TRAPPC8: variants seen among roughly 807,000 people sequenced by gnomAD.
The protein encoded by TRAPPC8 is general sporulation gene 1 homolog.
Under a neutral mutation model 174.3 loss-of-function variants are expected in TRAPPC8, and 54 were observed. The observed-to-expected ratio is 0.31, with a 90% CI of 0.25 to 0.39. TRAPPC8 has a LOEUF of 0.39. Ranked by LOEUF, TRAPPC8 falls within the 10% of genes least tolerant of loss-of-function variation. TRAPPC8 has a pLI of 1.00. For missense variants in TRAPPC8, 1,531 were observed against 1,699.1 expected, an observed-to-expected ratio of 0.90 and a Z score of 1.74; for synonymous variants, 630 against 579.9, an observed-to-expected ratio of 1.09 and a Z score of -1.24.
chr18:31,939,043 C>T (rs577491818), intron 1 of TRAPPC8, among the ~76,000 whole-genome samples: 5 of 140,588 alleles, frequency 3.6e-5, no homozygotes, highest in Admixed American at 1.6e-4. Context: ...TCTATCTCGC[C>T]GCTGCACTCC....
At chr18:31,911,871 CAAA>C (rs35950290) in intron 5 of TRAPPC8, among the ~76,000 whole-genome samples, 9 of 93,710 alleles carry the variant, frequency 9.6e-5, no homozygotes, top group Admixed American at 2.5e-4. Context: ...GATCCTGTCT[CAAA>C]AAAAAAAAAA....
intron 19 of TRAPPC8, among the ~76,000 whole-genome samples, chr18:31,861,299 T>C (rs2034308682): frequency 6.6e-6 from 1 of 152,120 alleles, no homozygotes; most frequent in South Asian, 2.1e-4. Flanking sequence ...AATACCCTCT[T>C]CAAGAACTGC....
chr18:31,921,193 A>C (rs1400004589), intron 2 of TRAPPC8, among the ~76,000 whole-genome samples: 1 of 152,158 alleles, frequency 6.6e-6, no homozygotes, highest in African/African-American at 2.4e-5. Flanking sequence ...GAAGAGCCAT[A>C]CCTATATTTG....
In TRAPPC8 at chr18:31,873,604, G is replaced by A. The variant is rs550040479; in HGVS notation, c.1954-66C>T. 1,380 of 1,114,644 alleles carry A rather than the reference G, an allele frequency of 1.2e-3. 34 individuals are homozygous for A. In the South Asian group the frequency reaches 0.015, roughly 12 times the overall value. The allele number at this position is 1,114,644 out of a possible 1,614,324, so 69.0% of individuals were successfully genotyped here. A position where few individuals can be genotyped will look rare whatever the true frequency, so the allele number is the denominator to read the frequency against. On this transcript the variant is annotated intron_variant, in intron 13 of 28. Transcript: ENST00000283351. ...AAATGGTATTTTTATTTGTTTCCTC[G>A]TTTCTTAATACACAAGGCATTAAAA...
At chr18:31,918,129 A>G (rs1445352338) in intron 2 of TRAPPC8, among the ~76,000 whole-genome samples, 1 of 151,862 alleles carries the variant, frequency 6.6e-6, no homozygotes, top group Non-Finnish European at 1.5e-5. Context: ...CCGTCTCAAA[A>G]TAATAATAAT....
chr18:31,913,674 C>A, intron 4 of TRAPPC8, 152 bp from the exon 5 acceptor site: 1 of 646,706 alleles, frequency 1.5e-6, no homozygotes, highest in South Asian at 2.9e-5. Flanking sequence ...TAAGAATTAT[C>A]CTTCTAGAAA....
intron 14 of TRAPPC8, among the ~76,000 whole-genome samples, chr18:31,873,070 T>A (rs1484529368): frequency 2.2e-5 from 3 of 134,082 alleles, no homozygotes; most frequent in Non-Finnish European, 3.1e-5. Context: ...CAGGCTGGAG[T>A]GCAGTGTCGT....
At chr18:31,839,734 G>A (rs938872531) in intron 26 of TRAPPC8, among the ~76,000 whole-genome samples, 2 of 152,108 alleles carry the variant, frequency 1.3e-5, no homozygotes, top group East Asian at 1.9e-4. Context: ...TCTTGGATAA[G>A]TTACTTAATA....
intron 11 of TRAPPC8, among the ~76,000 whole-genome samples, chr18:31,892,138 T>G (rs1358788228): frequency 1.3e-5 from 2 of 152,188 alleles, no homozygotes; most frequent in Non-Finnish European, 2.9e-5. Flanking sequence ...ACAAACTAAT[T>G]TTTTTAAAAA....
rs1439728775 is a variant in TRAPPC8, at chr18:31,855,654, A to G, written c.3336+6T>C. On this transcript the variant is annotated splice_donor_region_variant and intron_variant, in intron 21 of 28. Transcript: ENST00000283351. ...AAAAACAAAATTCAGTTTTAAACCAACTTACAGTATTGGTATTTTCCACAT... is the reference window on the plus strand; with the variant it reads ...AAAAACAAAATTCAGTTTTAAACCAGCTTACAGTATTGGTATTTTCCACAT... 1 of 1,583,634 alleles carries G rather than the reference A, an allele frequency of 6.3e-7. No individual in the cohort carries two copies. The highest frequency in any genetic ancestry group is 1.2e-5 in the South Asian group (1 of 85,206).
chr18:31,854,803 C>G (rs551111393), intron 21 of TRAPPC8, among the ~76,000 whole-genome samples: 60 of 151,696 alleles, frequency 4.0e-4, no homozygotes, highest in African/African-American at 1.4e-3. Context: ...CCTGTCTCTA[C>G]TAAAAATACA....
intron 1 of TRAPPC8, among the ~76,000 whole-genome samples, chr18:31,932,603 A>C (rs1447169036): frequency 6.6e-6 from 1 of 152,220 alleles, no homozygotes; most frequent in Non-Finnish European, 1.5e-5. Flanking sequence ...TACAGCAAGA[A>C]GACAGTGTCC....
chr18:31,837,514 G>A lies in TRAPPC8; in HGVS notation c.3983+1798C>T, dbSNP rs2032820824. On this transcript the variant is annotated intron_variant, in intron 27 of 28. Coordinates refer to ENST00000283351, the MANE Select transcript of TRAPPC8 (RefSeq NM_014939.5). ...TCAAGACCAGCCTGGCCAACATGGT[G>A]AAACCGCATCTCTACTAAAAATACC... Among the ~76,000 whole-genome samples the A allele has an allele frequency of 2.0e-5, 3 of 152,136 alleles. No individual in the cohort carries two copies. In the South Asian group the frequency reaches 6.2e-4, roughly 31 times the overall value.
rs2170562 is a variant in TRAPPC8 at position 31,857,867 on chromosome 18, C to T, written c.2861G>A (p.Arg954His). Reference sequence around the variant, plus strand: ...ACCACCGAAAGTAAAGAACTCTGGACGTTTAGAAACAACCTTCAATCCAGT... The same window carrying T: ...ACCACCGAAAGTAAAGAACTCTGGATGTTTAGAAACAACCTTCAATCCAGT... Reference protein sequence around the residue: ...PLTGLKVVSKRPEFFTFGGNT... With the variant: ...PLTGLKVVSKHPEFFTFGGNT... The change falls in exon 20 of 29, where the codon CGT becomes CAT. Residue 954 changes from arginine to histidine, a missense_variant. By Grantham distance (29) the Arg-to-His change is conservative. Transcript: ENST00000283351. The T allele has an allele frequency of 3.1e-6, 5 of 1,614,014 alleles. No individual in the cohort carries two copies. The highest frequency in any genetic ancestry group is 2.2e-5 in the East Asian group (1 of 44,902).
chr18:31,916,548 T>C, intron 3 of TRAPPC8, 102 bp from the exon 4 acceptor site: 2 of 1,243,638 alleles, frequency 1.6e-6, no homozygotes, highest in South Asian at 3.3e-5. Flanking sequence ...TTTGTTTGTT[T>C]CTGAGACAAA....
At chr18:31,933,020 A>AT (rs1568153937) in intron 1 of TRAPPC8, among the ~76,000 whole-genome samples, 1 of 128,954 alleles carries the variant, frequency 7.8e-6, no homozygotes, top group Non-Finnish European at 1.6e-5. Context: ...AAAAAAAAAA[A>AT]GCCGGGCGCA....
In TRAPPC8 at chr18:31,857,830, A is replaced by T. The variant is rs780344888; in HGVS notation, c.2898T>A (p.Val966=). 6 of 1,614,096 alleles carry T rather than the reference A, an allele frequency of 3.7e-6. No individual in the cohort carries two copies. The highest frequency in any genetic ancestry group is 5.1e-6 in the Non-Finnish European group (6 of 1,180,040). ...AAGCTGAGGGACTTAGTGGTGTTAGAACAGCAGTATTACCACCGAAAGTAA... is the reference window on the plus strand; with the variant it reads ...AAGCTGAGGGACTTAGTGGTGTTAGTACAGCAGTATTACCACCGAAAGTAA... ...EFFTFGGNTA[V]LTPLSPSASE... Residue 966 remains valine (V), a synonymous_variant, in exon 20 of 29, where the codon GTT becomes GTA. Coordinates refer to ENST00000283351, the MANE Select transcript of TRAPPC8 (RefSeq NM_014939.5).
At chr18:31,852,800 GT>G in intron 22 of TRAPPC8, 137 bp from the exon 23 acceptor site, 1 of 747,408 alleles carries the variant, frequency 1.3e-6, no homozygotes, top group South Asian at 1.8e-5. Context: ...GAACATCTTT[GT>G]TTTTATCTCA....
Position 31,922,032 on chromosome 18 carries a change from TTCA to T in TRAPPC8, c.353-4368_353-4366del, listed in dbSNP as rs1447494292. On this transcript the variant is annotated intron_variant, in intron 2 of 28. Transcript: ENST00000283351. ...CCAAAACTGTCATTTTTTCTTAAAG[TTCA>T]TCATAAAAGTACTAAAAGAGTAACT... Among the ~76,000 whole-genome samples the T allele has an allele frequency of 6.0e-4, 91 of 152,280 alleles. 1 individual carries two copies. The highest frequency in any genetic ancestry group is 2.1e-3 in the African/African-American group (89 of 41,544).
Sources: allele counts gnomAD v4.1 joint callset (sites outside exome capture counted in the v4.1 genomes callset), GRCh38; gene constraint gnomAD v4.1.1; transcripts MANE v1.5; gene names NCBI Gene and HGNC (gene_info 2026-07-23, HGNC 2026-07-21).